Variants in GRM5 observed in about 807,000 individuals in gnomAD.
The protein encoded by GRM5 is glutamate metabotropic receptor 5.
GRM5 carries 19 observed loss-of-function variants against 83.1 expected under a neutral mutation model. That is an observed-to-expected ratio of 0.23 (90% CI 0.16 to 0.34). The LOEUF (loss-of-function observed/expected upper bound fraction) is 0.34, where lower values mean the gene tolerates loss of function less well. GRM5 is among the 10% of genes least tolerant of loss of function. The pLI, the probability that GRM5 is intolerant of heterozygous loss-of-function variation, is 1.00. For synonymous variants in GRM5, 675 were observed against 633.6 expected, an observed-to-expected ratio of 1.07 and a Z score of -0.98; for missense variants, 1,160 against 1,588.3, an observed-to-expected ratio of 0.73 and a Z score of 4.58.
chr11:88,768,831 A>G (rs919677123), intron 3 of GRM5, among the ~76,000 whole-genome samples: 7 of 151,988 alleles, frequency 4.6e-5, no homozygotes, highest in African/African-American at 1.7e-4. Context: ...AAGCTGAAAA[A>G]GGCAAGAAAA....
intron 3 of GRM5, among the ~76,000 whole-genome samples, chr11:88,739,720 G>T (rs901923744): frequency 6.6e-6 from 1 of 152,056 alleles, no homozygotes; most frequent in South Asian, 2.1e-4. Flanking sequence ...ACCTTGTGAA[G>T]AAGGTACTTG....
At chr11:88,969,376 C>T (rs1240653362) in intron 2 of GRM5, among the ~76,000 whole-genome samples, 2 of 151,894 alleles carry the variant, frequency 1.3e-5, no homozygotes, top group African/African-American at 4.8e-5. Flanking sequence ...GTTTTAGGTA[C>T]CAAATTACCC....
chr11:88,606,997 T>G (rs1016616491), intron 4 of GRM5, among the ~76,000 whole-genome samples: 25 of 151,762 alleles, frequency 1.6e-4, no homozygotes, highest in African/African-American at 6.1e-4. Flanking sequence ...AAAGGTAGTA[T>G]GTTGTTTTAT....
At chr11:88,627,827 A>G (rs1938845260) in intron 4 of GRM5, among the ~76,000 whole-genome samples, 1 of 152,112 alleles carries the variant, frequency 6.6e-6, no homozygotes, top group South Asian at 2.1e-4. Context: ...CACCCAACAA[A>G]TTCTGAATTA....
intron 2 of GRM5, among the ~76,000 whole-genome samples, chr11:88,965,042 T>C (rs1372614415): frequency 6.6e-6 from 1 of 152,050 alleles, no homozygotes; most frequent in Non-Finnish European, 1.5e-5. Flanking sequence ...TCCAACTACA[T>C]CAATAATAGC....
intron 4 of GRM5, among the ~76,000 whole-genome samples, chr11:88,651,408 T>C (rs1939627848): frequency 6.6e-6 from 1 of 152,020 alleles, no homozygotes; most frequent in South Asian, 2.1e-4. Flanking sequence ...TCAGAGCTAC[T>C]GCTTACCTTT....
chr11:88,540,249 C>A (rs1261054738), intron 8 of GRM5, among the ~76,000 whole-genome samples: 1 of 152,160 alleles, frequency 6.6e-6, no homozygotes, highest in Non-Finnish European at 1.5e-5. Flanking sequence ...CTTTTAACCC[C>A]TCCTGTCCTA....
At chr11:89,007,319 T>A (rs920284917) in intron 2 of GRM5, among the ~76,000 whole-genome samples, 1 of 152,240 alleles carries the variant, frequency 6.6e-6, no homozygotes, top group Non-Finnish European at 1.5e-5. Flanking sequence ...ATAACACCAC[T>A]GTTCTTTTCA....
chr11:88,735,013 C>A (rs1941883487), intron 3 of GRM5, among the ~76,000 whole-genome samples: 1 of 151,992 alleles, frequency 6.6e-6, no homozygotes, highest in African/African-American at 2.4e-5. Flanking sequence ...AAACTAATTT[C>A]ATCTTATTGA....
intron 3 of GRM5, among the ~76,000 whole-genome samples, chr11:88,761,587 T>C (rs527761781): frequency 1.1e-4 from 16 of 152,240 alleles, no homozygotes; most frequent in African/African-American, 3.8e-4. Flanking sequence ...TCCATGTTGA[T>C]GAATAAGAAG....
chr11:88,849,037 T>C (rs1298370417), intron 3 of GRM5, among the ~76,000 whole-genome samples: 1 of 152,176 alleles, frequency 6.6e-6, no homozygotes, highest in East Asian at 1.9e-4. Context: ...ATTAATATTA[T>C]CAACTTTCAT....
At chr11:88,658,545 T>G (rs1939825512) in intron 3 of GRM5, among the ~76,000 whole-genome samples, 2 of 152,018 alleles carry the variant, frequency 1.3e-5, no homozygotes, top group Admixed American at 1.3e-4. Flanking sequence ...AGTTCACAAG[T>G]CTAGTGGAGG....
chr11:88,809,164 T>A (rs1053407483), intron 3 of GRM5, among the ~76,000 whole-genome samples: 5 of 152,056 alleles, frequency 3.3e-5, no homozygotes, highest in African/African-American at 1.2e-4. Flanking sequence ...CTCATATATT[T>A]CTTATAAGGG....
At chr11:88,741,074 A>T (rs553175915) in intron 3 of GRM5, among the ~76,000 whole-genome samples, 1 of 152,186 alleles carries the variant, frequency 6.6e-6, no homozygotes, top group Admixed American at 6.6e-5. Context: ...TCAAATATAG[A>T]AGGCAGACAA....
intron 2 of GRM5, among the ~76,000 whole-genome samples, chr11:88,923,249 C>T (rs1342544525): frequency 2.6e-5 from 4 of 152,022 alleles, no homozygotes; most frequent in Admixed American, 2.6e-4. Context: ...ACCTAGACTC[C>T]CATGTTTACT....
chr11:88,989,111 A>G (rs1369238555), intron 2 of GRM5, among the ~76,000 whole-genome samples: 19 of 151,174 alleles, frequency 1.3e-4, no homozygotes, highest in Non-Finnish European at 3.0e-5. Flanking sequence ...GTATTCAGGA[A>G]ACCCATCTCA....
At chr11:88,860,703 G>C (rs1944546505) in intron 2 of GRM5, among the ~76,000 whole-genome samples, 1 of 152,216 alleles carries the variant, frequency 6.6e-6, no homozygotes, top group South Asian at 2.1e-4. Flanking sequence ...CCTTTGGAAG[G>C]ACTTGGTGTC....
intron 3 of GRM5, among the ~76,000 whole-genome samples, chr11:88,804,055 T>C (rs1943452381): frequency 1.3e-5 from 2 of 152,028 alleles, no homozygotes; most frequent in South Asian, 2.1e-4. Context: ...GGAGAGGATG[T>C]GGAGAAATAG....
chr11:88,697,129 T>G (rs1940923242), intron 3 of GRM5, among the ~76,000 whole-genome samples: 1 of 152,210 alleles, frequency 6.6e-6, no homozygotes, highest in Admixed American at 6.5e-5. Context: ...TATAAAATGT[T>G]CATCATGGAA....
Sources: gnomAD v4.1 joint callset for allele counts (sites outside exome capture counted in the v4.1 genomes callset) on GRCh38, gnomAD v4.1.1 for gene constraint, MANE v1.5 for transcripts, NCBI Gene and HGNC (gene_info 2026-07-23, HGNC 2026-07-21) for gene names.